RALYL: variants seen among roughly 807,000 people sequenced by gnomAD.
RALYL encodes the protein RALY RNA binding protein like.
RALYL carries 29 observed loss-of-function variants against 35.1 expected under a neutral mutation model. The observed-to-expected ratio is 0.83, with a 90% CI of 0.61 to 1.13. The LOEUF (loss-of-function observed/expected upper bound fraction) is 1.13. Among genes scored for constraint, RALYL ranks in the 50% most tolerant of loss-of-function variants. RALYL has a pLI of 0.00. For synonymous variants in RALYL, 120 were observed against 127.6 expected (o/e 0.94, Z 0.40); for missense variants, 359 against 360.4 (o/e 1.00, Z 0.03).
intron 2 of RALYL, among the ~76,000 whole-genome samples, chr8:84,620,267 A>G (rs1347776711): frequency 2.0e-5 from 3 of 152,152 alleles, no homozygotes; most frequent in African/African-American, 7.2e-5. Context: ...ACATAGTCCC[A>G]TATTTCTTGG....
At chr8:84,435,146 T>G (rs1176206799) in intron 1 of RALYL, among the ~76,000 whole-genome samples, 1 of 152,142 alleles carries the variant, frequency 6.6e-6, no homozygotes, top group Non-Finnish European at 1.5e-5. Flanking sequence ...AAAAGAAAGC[T>G]TTTATATTCT....
chr8:84,419,582 C>T (rs1488973536), intron 1 of RALYL, among the ~76,000 whole-genome samples: 2 of 151,302 alleles, frequency 1.3e-5, no homozygotes, highest in East Asian at 1.9e-4. Flanking sequence ...TTTTAGGGTA[C>T]ATGTGCACAT....
chr8:84,464,675 G>C (rs199779726), intron 1 of RALYL, among the ~76,000 whole-genome samples: 9,514 of 151,670 alleles, frequency 0.063, 301 homozygotes, highest in East Asian at 0.14. Context: ...ATGGCTGGGT[G>C]AAATGGTATT....
chr8:84,736,638 T>C lies in RALYL; in HGVS notation c.257-37941T>C, dbSNP rs894400651. Among the ~76,000 whole-genome samples the C allele has an allele frequency of 2.0e-5, 3 of 152,206 alleles. No homozygotes were observed. The East Asian group carries it at 5.8e-4, about 29-fold the overall frequency. On this transcript the variant is annotated intron_variant, in intron 2 of 8. Coordinates refer to ENST00000521268, the MANE Select transcript of RALYL (RefSeq NM_173848.7). ...TCGATGTCCATTGAACTATAATTAC[T>C]CCATTTGAAATGCTTAGAGGTCTAT...
At chr8:84,378,813 T>C (rs1857412686) in intron 1 of RALYL, among the ~76,000 whole-genome samples, 1 of 151,904 alleles carries the variant, frequency 6.6e-6, no homozygotes. Flanking sequence ...TGTTATCATA[T>C]GTGTCACATG....
chr8:84,463,761 G>T (rs2051113443), intron 1 of RALYL, among the ~76,000 whole-genome samples: 1 of 151,872 alleles, frequency 6.6e-6, no homozygotes, highest in South Asian at 2.1e-4. Context: ...AGGTTTACTG[G>T]GAAATAATTT....
chr8:84,567,677 GT>G (rs200193309), intron 2 of RALYL, among the ~76,000 whole-genome samples: 2,882 of 141,298 alleles, frequency 0.02, 92 homozygotes, highest in African/African-American at 0.065. Context: ...AGTGAACGTT[GT>G]TTTTTTTTTT....
At chr8:84,724,983 AT>A (rs1472157273) in intron 2 of RALYL, among the ~76,000 whole-genome samples, 1 of 151,648 alleles carries the variant, frequency 6.6e-6, no homozygotes, top group Admixed American at 6.6e-5. Flanking sequence ...GCATAGCTTC[AT>A]TTTTTCCTTG....
intron 2 of RALYL, among the ~76,000 whole-genome samples, chr8:84,671,743 C>T (rs1833287781): frequency 6.6e-6 from 1 of 152,190 alleles, no homozygotes; most frequent in African/African-American, 2.4e-5. Context: ...GGGGCCTGGG[C>T]CCAGCCCACG....
chr8:84,357,382 A>T (rs1476185980), intron 1 of RALYL, among the ~76,000 whole-genome samples: 1 of 152,028 alleles, frequency 6.6e-6, no homozygotes, highest in Non-Finnish European at 1.5e-5. Flanking sequence ...GCTGTTACAG[A>T]CATTCATTAC....
At chr8:84,576,948 T>C (rs1477499970) in intron 2 of RALYL, among the ~76,000 whole-genome samples, 1 of 152,226 alleles carries the variant, frequency 6.6e-6, no homozygotes, top group African/African-American at 2.4e-5. Flanking sequence ...CCAACCTTCA[T>C]GTTAGTTTAC....
intron 2 of RALYL, among the ~76,000 whole-genome samples, chr8:84,630,264 C>A (rs1294309738): frequency 6.6e-6 from 1 of 152,008 alleles, no homozygotes; most frequent in African/African-American, 2.4e-5. Context: ...ACCCTAAATA[C>A]AGCTTGGCTA....
intron 2 of RALYL, among the ~76,000 whole-genome samples, chr8:84,566,316 A>G (rs2061778773): frequency 6.6e-6 from 1 of 151,612 alleles, no homozygotes; most frequent in South Asian, 2.1e-4. Flanking sequence ...CTATGGAAAA[A>G]GTTGGTGGGG....
intron 1 of RALYL, among the ~76,000 whole-genome samples, chr8:84,510,173 C>CAGAA (rs1168290240): frequency 6.6e-6 from 1 of 152,118 alleles, no homozygotes; most frequent in Non-Finnish European, 1.5e-5. Context: ...TTTCTTTCAT[C>CAGAA]AGAATTTTGT....
At chr8:84,462,775 C>A (rs546276262) in intron 1 of RALYL, among the ~76,000 whole-genome samples, 1 of 151,624 alleles carries the variant, frequency 6.6e-6, no homozygotes, top group Non-Finnish European at 1.5e-5. Context: ...TCCAAACTAT[C>A]CCACACTTTT....
chr8:84,357,567 A>C (rs112196073), intron 1 of RALYL, among the ~76,000 whole-genome samples: 1,710 of 152,004 alleles, frequency 0.011, 35 homozygotes, highest in Admixed American at 0.058. Flanking sequence ...AAAGTGAATT[A>C]AGAAACAAGT....
At chr8:84,882,454 T>C (rs9298430) in intron 7 of RALYL, among the ~76,000 whole-genome samples, 69,540 of 151,854 alleles carry the variant, frequency 0.46, 18,937 homozygotes, top group African/African-American at 0.75. Context: ...TCATGTAGAA[T>C]GTGGCAACGA....
intron 3 of RALYL, among the ~76,000 whole-genome samples, chr8:84,801,387 A>G (rs1222042562): frequency 6.6e-6 from 1 of 152,084 alleles, no homozygotes; most frequent in Admixed American, 6.5e-5. Flanking sequence ...TTAACACAAA[A>G]CTGTTGGAAG....
At chr8:84,496,581 A>C (rs1419890282) in intron 1 of RALYL, among the ~76,000 whole-genome samples, 2 of 152,188 alleles carry the variant, frequency 1.3e-5, no homozygotes, top group Non-Finnish European at 2.9e-5. Flanking sequence ...CATGACTGTC[A>C]TTTACAGACT....
Sources: allele counts gnomAD v4.1 joint callset (sites outside exome capture counted in the v4.1 genomes callset), GRCh38; gene constraint gnomAD v4.1.1; transcripts MANE v1.5; gene names NCBI Gene and HGNC (gene_info 2026-07-23, HGNC 2026-07-21).